Variants in SCPEP1 observed in about 807,000 individuals in gnomAD.
SCPEP1 encodes the protein serine carboxypeptidase 1, also known as retinoid-inducible serine carboxypeptidase.
SCPEP1 carries 51 observed loss-of-function variants against 63.8 expected under a neutral mutation model. The observed-to-expected ratio is 0.80, with a 90% CI of 0.64 to 1.01. The LOEUF (loss-of-function observed/expected upper bound fraction) is 1.01, where lower values mean the gene tolerates loss of function less well. SCPEP1 is among the 50% of genes least tolerant of loss of function. The probability of loss-of-function intolerance (pLI) is 0.00; values close to 1 mark genes in which losing one functional copy is unlikely to be tolerated. For missense variants in SCPEP1, 499 were observed against 554.9 expected, an observed-to-expected ratio of 0.90 and a Z score of 1.01; for synonymous variants, 204 against 207.8, an observed-to-expected ratio of 0.98 and a Z score of 0.16.
chr17:57,000,774 C>A, intron 10 of SCPEP1, 81 bp from the exon 11 acceptor site: 1 of 1,523,044 alleles, frequency 6.6e-7, no homozygotes, highest in Non-Finnish European at 9.1e-7. Context: ...GGTGCTGGAG[C>A]CCAAGATGCT....
At chr17:56,991,038 T>C (rs1911380552) in intron 5 of SCPEP1, 61 bp from the exon 6 acceptor site, 1 of 1,229,084 alleles carries the variant, frequency 8.1e-7, no homozygotes, top group East Asian at 2.3e-5. Flanking sequence ...TCCCAAAGTG[T>C]TGGGATTACT....
Position 57,006,356 on chromosome 17 carries a change from T to C in SCPEP1, c.*121T>C. 3.3e-6 allele frequency: 2 copies of C among 602,118 alleles called. No homozygotes were observed. Among genetic ancestry groups the C allele is most frequent in the South Asian group, 8.2e-5 (2 of 24,512 alleles). The allele number at this position is 602,118 out of a possible 1,614,324, so 37.3% of individuals were successfully genotyped here. A position where few individuals can be genotyped will look rare whatever the true frequency, so the allele number is the denominator to read the frequency against. ...TAACTGGGGCTGTGATCAAGAAGGTTCTGACCAGCTTCTGCAGAGGATAAA... is the reference window on the plus strand; with the variant it reads ...TAACTGGGGCTGTGATCAAGAAGGTCCTGACCAGCTTCTGCAGAGGATAAA... On this transcript the variant is annotated 3_prime_UTR_variant, in exon 13 of 13. Transcript: ENST00000262288.
At chr17:56,985,620 C>T (rs1248229074) in intron 3 of SCPEP1, among the ~76,000 whole-genome samples, 153 bp downstream of exon 3, 1 of 152,180 alleles carries the variant, frequency 6.6e-6, no homozygotes, top group East Asian at 1.9e-4. Flanking sequence ...CGCAGGCTTC[C>T]TCTCTGGCCT....
At chr17:56,992,203 A>G (rs992352308) in intron 6 of SCPEP1, among the ~76,000 whole-genome samples, 1 of 152,236 alleles carries the variant, frequency 6.6e-6, no homozygotes, top group African/African-American at 2.4e-5. Context: ...ATTTACCCCT[A>G]AAAGATAGGG....
Position 57,002,080 on chromosome 17 carries a change from T to G in SCPEP1, c.1195T>G (p.Trp399Gly). Residue 399 changes from tryptophan to glycine, a missense_variant, in exon 12 of 13, where the codon TGG (tryptophan) becomes GGG (glycine). Physicochemically the swap from Trp to Gly is radical, Grantham distance 184 (BLOSUM62 -2). Transcript: ENST00000262288. ...ACTGCCTAAATTCAGTCAGCTGAAGTGGAAGGCCCTGTACAGTGACCCTAA... is the reference window on the plus strand; with the variant it reads ...ACTGCCTAAATTCAGTCAGCTGAAGGGGAAGGCCCTGTACAGTGACCCTAA... ...PELPKFSQLK[W>G]KALYSDPKSL... The G allele has an allele frequency of 1.2e-6, 2 of 1,614,184 alleles. No individual in the cohort carries two copies. Among genetic ancestry groups the G allele is most frequent in the Non-Finnish European group, 1.7e-6 (2 of 1,180,024 alleles).
chr17:56,996,029 C>G (rs536767697), intron 8 of SCPEP1, among the ~76,000 whole-genome samples: 1 of 152,098 alleles, frequency 6.6e-6, no homozygotes, highest in Admixed American at 6.5e-5. Flanking sequence ...GGCCCCTCTG[C>G]AGCTCTGTTC....
At chr17:56,993,601 G>C (rs1255324116) in intron 6 of SCPEP1, among the ~76,000 whole-genome samples, 1 of 152,048 alleles carries the variant, frequency 6.6e-6, no homozygotes, top group Non-Finnish European at 1.5e-5. Context: ...CCACCACTAC[G>C]CCTGGCTAAT....
At chr17:56,987,564 C>A in intron 3 of SCPEP1, 131 bp from the exon 4 acceptor site, 3 of 746,070 alleles carry the variant, frequency 4.0e-6, no homozygotes, top group Non-Finnish European at 4.0e-6. Flanking sequence ...TCTCTTTTAG[C>A]AACAGGGATA....
intron 2 of SCPEP1, among the ~76,000 whole-genome samples, chr17:56,982,503 C>T (rs1031256530): frequency 7.2e-5 from 11 of 152,136 alleles, no homozygotes; most frequent in Non-Finnish European, 7.4e-5. Context: ...GAAAAAGAAC[C>T]CTTGTATGTC....
chr17:56,990,903 G>A (rs539526212), intron 5 of SCPEP1, among the ~76,000 whole-genome samples, 196 bp from the exon 6 acceptor site: 3 of 152,260 alleles, frequency 2.0e-5, no homozygotes, highest in African/African-American at 4.8e-5. Flanking sequence ...CTGGGTATCT[G>A]GGACTATAAG....
chr17:56,982,539 G>T, intron 2 of SCPEP1, among the ~76,000 whole-genome samples: 1 of 152,152 alleles, frequency 6.6e-6, no homozygotes, highest in East Asian at 1.9e-4. Context: ...GTTCACCTCC[G>T]GTGGCTGGAG....
At chr17:56,978,294 G>T in intron 1 of SCPEP1, 59 bp downstream of exon 1, 3 of 1,483,774 alleles carry the variant, frequency 2.0e-6, no homozygotes, top group Non-Finnish European at 2.7e-6. Context: ...AGGCGTGAGA[G>T]TTTGTTACTG....
intron 3 of SCPEP1, among the ~76,000 whole-genome samples, chr17:56,985,979 A>C (rs1911204259): frequency 6.6e-6 from 1 of 151,868 alleles, no homozygotes; most frequent in Non-Finnish European, 1.5e-5. Context: ...AGCCTTGCCA[A>C]ACCCAGCCTT....
Position 57,003,925 on chromosome 17 carries a change from A to G in SCPEP1, c.1296+1744A>G, listed in dbSNP as rs193002549. Among the ~76,000 whole-genome samples the G allele has an allele frequency of 3.0e-3, 463 of 152,264 alleles. 5 individuals are homozygous for G. The highest frequency in any genetic ancestry group is 0.011 in the African/African-American group (448 of 41,576). The stretch of plus-strand genomic sequence containing the variant: ...AAAAGACACTTAATCTAGGCTGGGT[A>G]TGGTGGCTGACACCTGTAATCCCAG... On this transcript the variant is annotated intron_variant, in intron 12 of 12. Transcript: ENST00000262288.
At chr17:57,002,792 T>A (rs1404288908) in intron 12 of SCPEP1, among the ~76,000 whole-genome samples, 1 of 150,974 alleles carries the variant, frequency 6.6e-6, no homozygotes, top group Non-Finnish European at 1.5e-5. Context: ...GGCAGATTGA[T>A]TGAGCCTGAA....
At position 56,995,012 on chromosome 17, in the gene SCPEP1, C is replaced by T; in HGVS notation, c.651C>T (p.Tyr217=). 1.2e-6 allele frequency: 2 copies of T among 1,612,582 alleles called. No individual in the cohort carries two copies. The highest frequency in any genetic ancestry group is 1.1e-5 in the South Asian group (1 of 91,050). The change falls in exon 7 of 13, where the codon TAC becomes TAT. Residue 217 remains tyrosine (Y), a synonymous_variant. Transcript: ENST00000262288. Reference sequence around the variant, plus strand: ...TGCTCTCCTGGGGACCTTACCTGTACAGCATGGTAAGTAGATACACATCTG... The same window carrying T: ...TGCTCTCCTGGGGACCTTACCTGTATAGCATGGTAAGTAGATACACATCTG... ...DSVLSWGPYL[Y]SMSLLEDKGL...
intron 1 of SCPEP1, among the ~76,000 whole-genome samples, chr17:56,980,188 C>T (rs138585345): frequency 4.3e-4 from 65 of 152,288 alleles, no homozygotes; most frequent in African/African-American, 1.4e-3. Flanking sequence ...GATCACAGCT[C>T]ACTGCAGCCT....
chr17:56,989,095 T>G (rs1172513031), intron 5 of SCPEP1, among the ~76,000 whole-genome samples: 1 of 150,556 alleles, frequency 6.6e-6, no homozygotes, highest in Non-Finnish European at 1.5e-5. Context: ...GAGGATGAGG[T>G]GGGAGGATCG....
rs149270983 is a variant in SCPEP1, at chr17:56,995,793, T to C, written c.786+158T>C. 5.6e-6 allele frequency: 4 copies of C among 710,160 alleles called. No individual in the cohort carries two copies. In the African/African-American group the frequency reaches 7.4e-5, roughly 13 times the overall value. The allele number at this position is 710,160 out of a possible 1,614,324, so 44.0% of individuals were successfully genotyped here. A position where few individuals can be genotyped will look rare whatever the true frequency, so the allele number is the denominator to read the frequency against. Reference sequence around the variant, plus strand: ...TAATAAATCTCTTGGGTCTAAGCAGTGATGTAGTGGCTCCTTACAGAGTCA... The same window carrying C: ...TAATAAATCTCTTGGGTCTAAGCAGCGATGTAGTGGCTCCTTACAGAGTCA... On this transcript the variant is annotated intron_variant, in intron 8 of 12. Coordinates refer to ENST00000262288, the MANE Select transcript of SCPEP1 (RefSeq NM_021626.3).
Sources: allele counts gnomAD v4.1 joint callset (sites outside exome capture counted in the v4.1 genomes callset), GRCh38; gene constraint gnomAD v4.1.1; transcripts MANE v1.5; gene names NCBI Gene and HGNC (gene_info 2026-07-23, HGNC 2026-07-21).